Variants in FCRL3 observed in about 807,000 individuals in gnomAD.
The protein encoded by FCRL3 is Fc receptor-like protein 3.
In FCRL3, 89 loss-of-function variants were observed where a neutral mutation model predicts 75.0. The ratio of observed to expected loss-of-function variants is 1.19; its 90% CI spans 1.00 to 1.42. The LOEUF (loss-of-function observed/expected upper bound fraction) is 1.42. Ranked by LOEUF, FCRL3 falls within the 40% of genes most tolerant of loss-of-function variation. The pLI is 0.00. For missense variants in FCRL3, 946 were observed against 880.0 expected, an observed-to-expected ratio of 1.07 and a Z score of -0.95; for synonymous variants, 376 against 348.5, an observed-to-expected ratio of 1.08 and a Z score of -0.88.
intron 10 of FCRL3, among the ~76,000 whole-genome samples, chr1:157,687,109 C>T (rs1389291013): frequency 6.6e-6 from 1 of 151,606 alleles, no homozygotes. Context: ...CAAATAACCC[C>T]ATTAAAATAT....
At chr1:157,692,980 A>G (rs1655647233) in intron 8 of FCRL3, among the ~76,000 whole-genome samples, 1 of 152,148 alleles carries the variant, frequency 6.6e-6, no homozygotes, top group African/African-American at 2.4e-5. Context: ...TTCGATAGAA[A>G]TTCAACATGC....
chr1:157,695,730 ACATTTTTCTTATCTAACAATCAGAAG>A, intron 7 of FCRL3, 123 bp from the exon 8 acceptor site: 2 of 1,185,512 alleles, frequency 1.7e-6, no homozygotes. Context: ...CCCACTGATC[ACATTTTTCTTATCTAACAATCAGAAG>A]CATTTCCCCA....
At position 157,678,719 on chromosome 1, in the gene FCRL3, T is replaced by C; in HGVS notation, c.2196A>G (p.Ser732=). Residue 732 remains serine (S), a synonymous_variant, in exon 15 of 15, where the codon TCA becomes TCG. Transcript: ENST00000368184. The part of the protein sequence containing the change: ...YENVPRVLLA[S]DH ...CACTCTGGGTAAGGGGCTAGTGGTCTGAGGCCAGTAATACACGTGGTACAT... is the reference window on the plus strand; with the variant it reads ...CACTCTGGGTAAGGGGCTAGTGGTCCGAGGCCAGTAATACACGTGGTACAT... The C allele has an allele frequency of 1.2e-6, 2 of 1,613,496 alleles. No homozygotes were observed. The highest frequency in any genetic ancestry group is 1.7e-6 in the Non-Finnish European group (2 of 1,179,966).
rs899255335 is a variant in FCRL3, at chr1:157,696,107, T to C, written c.1065A>G (p.Arg355=). ...GAACGTTATCAGCTGCACAGTAGTA[T>C]CTCCCTGCATCACTCTCCTTCACGG... ...VLTVKESDAG[R]YYCAADNVHS... is the part of the protein sequence containing the mutation. The change falls in exon 7 of 15, where the codon AGA becomes AGG. Residue 355 remains arginine, a synonymous_variant. Transcript: ENST00000368184. 1 of 1,613,848 alleles carries C rather than the reference T, an allele frequency of 6.2e-7. No individual in the cohort carries two copies. Among genetic ancestry groups the C allele is most frequent in the Non-Finnish European group, 8.5e-7 (1 of 1,180,016 alleles).
intron 6 of FCRL3, 190 bp from the exon 7 acceptor site, chr1:157,696,517 C>A (rs1000717272): frequency 1.1e-4 from 68 of 592,746 alleles, no homozygotes; most frequent in Non-Finnish European, 2.0e-4. Context: ...CCACAACATT[C>A]CCATCCTTGA....
Position 157,700,552 on chromosome 1 carries a change from G to C in FCRL3, c.-63C>G. The C allele has an allele frequency of 6.2e-7, 1 of 1,613,200 alleles. No individual in the cohort carries two copies. Among genetic ancestry groups the C allele is most frequent in the Non-Finnish European group, 8.5e-7 (1 of 1,179,572 alleles). Reference sequence around the variant, plus strand: ...CACCAAAAGCCCGACTTATCTCCAAGAAGGAGGGCAGGAAGCTGCTACTCA... The same window carrying C: ...CACCAAAAGCCCGACTTATCTCCAACAAGGAGGGCAGGAAGCTGCTACTCA... On this transcript the variant is annotated 5_prime_UTR_variant, in exon 2 of 15. Coordinates refer to ENST00000368184, the MANE Select transcript of FCRL3 (RefSeq NM_052939.4).
In FCRL3 at chr1:157,696,040, T is replaced by C. The variant is rs140279920; in HGVS notation, c.1132A>G (p.Ile378Val). The change falls in exon 7 of 15, where the codon ATT becomes GTT. Residue 378 changes from isoleucine to valine, a missense_variant and splice_region_variant. Ile to Val is a conservative substitution (Grantham distance 29). Transcript: ENST00000368184. ...CTGTGTGAAAGGAATCGGAACTTAC[T>C]TCTCACGGTGACTCGAATCCACGTG... The part of the protein sequence containing the change: ...LSTWIRVTVR[I>V]PVSHPVLTFR... 4.5e-3 allele frequency: 7,272 copies of C among 1,606,406 alleles called. 98 individuals carry two copies. The highest frequency in any genetic ancestry group is 3.6e-3 in the Non-Finnish European group (4,283 of 1,176,162).
Position 157,677,606 on chromosome 1 carries a change from A to G in FCRL3, c.*1104T>C. On this transcript the variant is annotated 3_prime_UTR_variant, in exon 15 of 15. Transcript: ENST00000368184. ...GAAAGAGTTTTTGATGGTGATAGCTAGGAAAACATTAAGCCAGATATTTTA... is the reference window on the plus strand; with the variant it reads ...GAAAGAGTTTTTGATGGTGATAGCTGGGAAAACATTAAGCCAGATATTTTA... 5 of 985,316 alleles carry G rather than the reference A, an allele frequency of 5.1e-6. No individual in the cohort carries two copies. Among genetic ancestry groups the G allele is most frequent in the Non-Finnish European group, 6.0e-6 (5 of 829,842 alleles). The allele number at this position is 985,316 out of a possible 1,614,324, so 61.0% of individuals were successfully genotyped here.
At chr1:157,681,364 G>A (rs1002178561) in intron 11 of FCRL3, among the ~76,000 whole-genome samples, 2 of 150,840 alleles carry the variant, frequency 1.3e-5, no homozygotes, top group Non-Finnish European at 3.0e-5. Context: ...TTAGAATTAG[G>A]TATATCTCCT....
chr1:157,683,100 T>G (rs1378100837), intron 11 of FCRL3, 117 bp downstream of exon 11: 3 of 1,162,112 alleles, frequency 2.6e-6, no homozygotes, highest in African/African-American at 3.2e-5. Flanking sequence ...TTTTATTTTG[T>G]AAGAACGTAA....
Position 157,700,716 on chromosome 1 carries a change from G to T in FCRL3, c.-151C>A. 7.0e-7 allele frequency: 1 copy of T among 1,419,974 alleles called. No homozygotes were observed. Among genetic ancestry groups the T allele is most frequent in the Non-Finnish European group, 9.2e-7 (1 of 1,085,222 alleles). 88.0% of individuals were successfully genotyped at this position (1,419,974 alleles called of 1,614,324 possible). ...CGGTAGTGATACATTTTTAGAAGTT[G>T]GGGCTCATCTTCCATCAGCTGCAGT... is the stretch of plus-strand genomic sequence containing the variant. On this transcript the variant is annotated 5_prime_UTR_variant, in exon 1 of 15. Coordinates refer to ENST00000368184, the MANE Select transcript of FCRL3 (RefSeq NM_052939.4).
At chr1:157,692,868 C>T (rs1267152474) in intron 8 of FCRL3, among the ~76,000 whole-genome samples, 3 of 152,056 alleles carry the variant, frequency 2.0e-5, no homozygotes, top group East Asian at 1.9e-4. Flanking sequence ...ATTTCTATGT[C>T]GTCTTATTAC....
intron 6 of FCRL3, chr1:157,696,648 T>G (rs1346238298): frequency 2.9e-6 from 1 of 343,412 alleles, no homozygotes; most frequent in Non-Finnish European, 5.3e-6. Context: ...AAGAGAACAC[T>G]GGAGATCCTC....
Position 157,697,846 on chromosome 1 carries a change from G to A in FCRL3, c.372C>T (p.Asp124=). The change falls in exon 5 of 15, where the codon GAC becomes GAT. Residue 124 remains aspartate (D), a synonymous_variant. Coordinates refer to ENST00000368184, the MANE Select transcript of FCRL3 (RefSeq NM_052939.4). ...DNVILRCQGK[D]NKNTHQKVYY... Reference sequence around the variant, plus strand: ...AAACCTTTTGATGAGTGTTTTTGTTGTCTTTCCCCTGACATCTCAGAATGA... The same window carrying A: ...AAACCTTTTGATGAGTGTTTTTGTTATCTTTCCCCTGACATCTCAGAATGA... 1 of 1,613,984 alleles carries A rather than the reference G, an allele frequency of 6.2e-7. No individual in the cohort carries two copies. Among genetic ancestry groups the A allele is most frequent in the East Asian group, 2.2e-5 (1 of 44,870 alleles).
intron 3 of FCRL3, 80 bp downstream of exon 3, chr1:157,699,612 T>C (rs1443750664): frequency 2.7e-6 from 4 of 1,509,204 alleles, no homozygotes; most frequent in Non-Finnish European, 3.7e-6. Context: ...GATGCGTGCC[T>C]GCAAGGGTTA....
At chr1:157,700,776 G>A (rs539000575), upstream of FCRL3, 6 of 1,252,194 alleles carry the variant, frequency 4.8e-6, no homozygotes, top group African/African-American at 9.1e-5. Context: ...CTGTGCCTGG[G>A]TTCTCTAGAA....
At position 157,690,396 on chromosome 1, in the gene FCRL3, A is replaced by G; in HGVS notation, c.1549T>C (p.Leu517=). ...LYWFYHEDDT[L]GNISAHSGGG... ...CCAGAGTGGGCCGAGATGTTCCCCA[A>G]GGTGTCATCCTCGTGATAAAACCAG... Residue 517 remains leucine (L), a synonymous_variant, in exon 9 of 15, where the codon TTG becomes CTG. Transcript: ENST00000368184. The G allele has an allele frequency of 1.2e-6, 2 of 1,614,234 alleles. No individual in the cohort carries two copies. The highest frequency in any genetic ancestry group is 2.2e-5 in the East Asian group (1 of 44,882).
intron 8 of FCRL3, 104 bp downstream of exon 8, chr1:157,695,225 A>G: frequency 8.6e-7 from 1 of 1,168,086 alleles, no homozygotes; most frequent in South Asian, 1.6e-5. Context: ...AAAGAGTGGG[A>G]AGTCTATTGG....
intron 10 of FCRL3, among the ~76,000 whole-genome samples, chr1:157,685,459 A>G (rs984135237): frequency 1.3e-5 from 2 of 152,124 alleles, no homozygotes; most frequent in Admixed American, 1.3e-4. Flanking sequence ...CTACAAAAAA[A>G]CCTGGACAGT....
Sources: gnomAD v4.1 joint callset for allele counts (sites outside exome capture counted in the v4.1 genomes callset) on GRCh38, gnomAD v4.1.1 for gene constraint, MANE v1.5 for transcripts, NCBI Gene and HGNC (gene_info 2026-07-23, HGNC 2026-07-21) for gene names.